SDCBP: variants seen among roughly 807,000 people sequenced by gnomAD.
The protein encoded by SDCBP is syntenin-1.
In SDCBP, 22 loss-of-function variants were observed where a neutral mutation model predicts 30.5. That is an observed-to-expected ratio of 0.72 (90% CI 0.52 to 1.03). The LOEUF (loss-of-function observed/expected upper bound fraction) is 1.03, where lower values mean the gene tolerates loss of function less well. SDCBP is among the 50% of genes least tolerant of loss of function. The pLI, the probability that SDCBP is intolerant of heterozygous loss-of-function variation, is 0.00. For synonymous variants in SDCBP, 103 were observed against 118.7 expected (o/e 0.87, Z 0.86); for missense variants, 304 against 369.9 (o/e 0.82, Z 1.46).
At chr8:58,560,174 G>T in intron 1 of SDCBP, 1 of 152,430 alleles carries the variant, frequency 6.6e-6, no homozygotes, top group Non-Finnish European at 1.5e-5. Context: ...TCTCCTTGGG[G>T]AGACAAAAGA....
At chr8:58,581,191 CAGA>C (rs1171937565) in intron 8 of SDCBP, among the ~76,000 whole-genome samples, 1 of 152,222 alleles carries the variant, frequency 6.6e-6, no homozygotes, top group East Asian at 1.9e-4. Context: ...GGAATCCTTT[CAGA>C]AGCTCTATTA....
At chr8:58,581,473 C>A (rs1194889614) in intron 8 of SDCBP, among the ~76,000 whole-genome samples, 1 of 152,068 alleles carries the variant, frequency 6.6e-6, no homozygotes, top group African/African-American at 2.4e-5. Flanking sequence ...ACTTCTCTAG[C>A]CAAATACAGA....
chr8:58,575,841 A>G lies in SDCBP; in HGVS notation c.241-59A>G, dbSNP rs1693451444. 13 of 1,412,976 alleles carry G rather than the reference A, an allele frequency of 9.2e-6. 1 individual carries two copies. In the South Asian group the frequency reaches 1.7e-4, roughly 19 times the overall value. The allele number at this position is 1,412,976 out of a possible 1,614,324, so 87.5% of individuals were successfully genotyped here. ...ACTGAGTAAGTTCCAGTTAATTATC[A>G]TTGTTTTTTTCAAGGAGAGTGTTTC... is the stretch of plus-strand genomic sequence containing the variant. On this transcript the variant is annotated intron_variant, in intron 4 of 8. Coordinates refer to ENST00000260130, the MANE Select transcript of SDCBP (RefSeq NM_005625.4).
At chr8:58,553,620 C>A (rs1259116894) in intron 1 of SDCBP, among the ~76,000 whole-genome samples, 2 of 152,200 alleles carry the variant, frequency 1.3e-5, no homozygotes, top group Non-Finnish European at 2.9e-5. Context: ...GCTGGGTGAA[C>A]GCCTTCAGCC....
At chr8:58,566,051 C>T (rs1376061840) in intron 2 of SDCBP, among the ~76,000 whole-genome samples, 2 of 152,122 alleles carry the variant, frequency 1.3e-5, no homozygotes, top group Admixed American at 6.5e-5. Flanking sequence ...CTAAAATCTA[C>T]AGTTCAGCTG....
chr8:58,572,335 T>C (rs1221882578), intron 4 of SDCBP, 21 bp downstream of exon 4: 8 of 1,470,456 alleles, frequency 5.4e-6, no homozygotes, highest in Non-Finnish European at 7.6e-6. Flanking sequence ...TGTAATTAAT[T>C]TTGATTTATA....
Position 58,578,091 on chromosome 8 carries a change from T to G in SDCBP, c.461T>G (p.Phe154Cys). The change falls in exon 6 of 9, where the codon TTT becomes TGT. Residue 154 changes from phenylalanine (F) to cysteine (C), a missense_variant. Phe to Cys is a radical substitution (Grantham distance 205). Transcript: ENST00000260130. ...NSPASLVGLR[F>C]GDQVLQINGE... Reference sequence around the variant, plus strand: ...CCAGCCTCATTGGTTGGTCTGAGATTTGGGGACCAAGTACTTCAGATCAAT... The same window carrying G: ...CCAGCCTCATTGGTTGGTCTGAGATGTGGGGACCAAGTACTTCAGATCAAT... 1.2e-6 allele frequency: 2 copies of G among 1,613,918 alleles called. No homozygotes were observed. The highest frequency in any genetic ancestry group is 1.1e-5 in the South Asian group (1 of 91,082).
At chr8:58,557,702 G>T (rs1804223958) in intron 1 of SDCBP, among the ~76,000 whole-genome samples, 1 of 151,964 alleles carries the variant, frequency 6.6e-6, no homozygotes, top group African/African-American at 2.4e-5. Flanking sequence ...TGGTCAAAGG[G>T]TATGTGGGCA....
intron 7 of SDCBP, 121 bp downstream of exon 7, chr8:58,579,915 G>A (rs1009440019): frequency 2.1e-5 from 19 of 892,234 alleles, no homozygotes; most frequent in Non-Finnish European, 3.0e-5. Flanking sequence ...CGTGGGGCCT[G>A]AACTCTTGGT....
chr8:58,554,545 T>A (rs1803993530), intron 1 of SDCBP, among the ~76,000 whole-genome samples: 1 of 152,216 alleles, frequency 6.6e-6, no homozygotes, highest in Admixed American at 6.5e-5. Flanking sequence ...CATTATAAAT[T>A]AAATTTAACT....
intron 7 of SDCBP, among the ~76,000 whole-genome samples, 168 bp from the exon 8 acceptor site, chr8:58,580,349 T>A (rs969863033): frequency 6.6e-6 from 1 of 152,192 alleles, no homozygotes; most frequent in Non-Finnish European, 1.5e-5. Flanking sequence ...CTTAAGCAAT[T>A]TGGTTACTAG....
rs564217569 is a variant in SDCBP, at chr8:58,567,597, C to T, written c.51+2513C>T. On this transcript the variant is annotated intron_variant, in intron 2 of 8. Coordinates refer to ENST00000260130, the MANE Select transcript of SDCBP (RefSeq NM_005625.4). ...GTGGATTTTGACAAATGTATAGTGA[C>T]GTGTATATAGTCATGTGTTGCTTAA... Among the ~76,000 whole-genome samples the T allele has an allele frequency of 2.6e-5, 4 of 152,084 alleles. No individual in the cohort carries two copies. In the East Asian group the frequency reaches 5.8e-4, roughly 22 times the overall value.
chr8:58,570,996 G>T, intron 3 of SDCBP, 31 bp downstream of exon 3: 1 of 1,478,436 alleles, frequency 6.8e-7, no homozygotes, highest in Admixed American at 1.7e-5. Context: ...CATTCTCTGT[G>T]AACAGAAATA....
rs537547172 is a variant in SDCBP at position 58,566,255 on chromosome 8, A to G, written c.51+1171A>G. Among the ~76,000 whole-genome samples the G allele has an allele frequency of 4.9e-4, 75 of 152,334 alleles. 1 individual carries two copies. In the South Asian group the frequency reaches 0.015, roughly 30 times the overall value. ...AGCTTTCCAGAATAACTGCTTAGCCATTAATATGACATCAATACATTAACT... is the reference window on the plus strand; with the variant it reads ...AGCTTTCCAGAATAACTGCTTAGCCGTTAATATGACATCAATACATTAACT... On this transcript the variant is annotated intron_variant, in intron 2 of 8. Transcript: ENST00000260130.
chr8:58,579,895 A>G, intron 7 of SDCBP, 101 bp downstream of exon 7: 1 of 1,154,760 alleles, frequency 8.7e-7, no homozygotes. Flanking sequence ...CTTAGGTGGG[A>G]GATGGGGAAC....
intron 1 of SDCBP, among the ~76,000 whole-genome samples, chr8:58,553,661 C>A (rs1204047988): frequency 6.6e-6 from 1 of 152,260 alleles, no homozygotes; most frequent in Non-Finnish European, 1.5e-5. Flanking sequence ...CTTCCTGGGA[C>A]CGTCTCTCGA....
At position 58,576,062 on chromosome 8, in the gene SDCBP, G is replaced by C. The variant is rs908136401; in HGVS notation, c.402+1G>C. On this transcript the variant is annotated splice_donor_variant, in intron 5 of 8. Coordinates refer to ENST00000260130, the MANE Select transcript of SDCBP (RefSeq NM_005625.4). LOFTEE classifies it high-confidence loss of function. Reference sequence around the variant, plus strand: ...ACTCAGGCTTAAATCAATAGATAATGTAAGTATTTTAAATACCTATTTGAA... The same window carrying C: ...ACTCAGGCTTAAATCAATAGATAATCTAAGTATTTTAAATACCTATTTGAA... 6.3e-7 allele frequency: 1 copy of C among 1,599,266 alleles called. No individual in the cohort carries two copies. The highest frequency in any genetic ancestry group is 8.6e-7 in the Non-Finnish European group (1 of 1,167,474).
chr8:58,566,007 C>T (rs894555209), intron 2 of SDCBP, among the ~76,000 whole-genome samples: 1 of 152,032 alleles, frequency 6.6e-6, no homozygotes, highest in Non-Finnish European at 1.5e-5. Flanking sequence ...ATCATAGATC[C>T]AGTATGGATA....
At chr8:58,577,869 GT>G in intron 5 of SDCBP, 163 bp from the exon 6 acceptor site, 1 of 512,874 alleles carries the variant, frequency 1.9e-6, no homozygotes, top group Non-Finnish European at 3.4e-6. Context: ...TTCTTTTGAG[GT>G]GATAACTTAA....
Sources: gnomAD v4.1 joint callset for allele counts (sites outside exome capture counted in the v4.1 genomes callset) on GRCh38, gnomAD v4.1.1 for gene constraint, MANE v1.5 for transcripts, NCBI Gene and HGNC (gene_info 2026-07-23, HGNC 2026-07-21) for gene names.